H2BC26: variants seen among roughly 807,000 people sequenced by gnomAD.
H2BC26 encodes the protein H2B clustered histone 26.
chr1:228,458,133 C>T, the H2BC26 span: 6 of 1,601,948 alleles, frequency 3.7e-6, no homozygotes, highest in Non-Finnish European at 5.1e-6. Flanking sequence ...AGCCATCATG[C>T]CAGACCCGTC....
the H2BC26 span, chr1:228,458,219 C>T: frequency 9.9e-6 from 16 of 1,614,088 alleles, no homozygotes; most frequent in East Asian, 2.2e-5. Context: ...GCAAGAAGCG[C>T]AAGCGCGGCC....
the H2BC26 span, chr1:228,458,246 T>C: frequency 1.2e-6 from 2 of 1,614,252 alleles, no homozygotes; most frequent in Non-Finnish European, 1.7e-6. Flanking sequence ...AGAGCTATTC[T>C]ATCTACGTGT....
At chr1:228,458,495 C>A in the H2BC26 span, 2 of 1,614,208 alleles carry the variant, frequency 1.2e-6, no homozygotes, top group Non-Finnish European at 1.7e-6. Context: ...TCACCAAGTA[C>A]ACCAGCTCCA....
At chr1:228,458,378 C>G in the H2BC26 span, 6 of 1,614,240 alleles carry the variant, frequency 3.7e-6, no homozygotes, top group Non-Finnish European at 5.1e-6. Context: ...GCCTGGCACA[C>G]TACAACAAGC....
chr1:228,458,170 G>A, the H2BC26 span: 5 of 1,613,312 alleles, frequency 3.1e-6, no homozygotes, highest in Admixed American at 1.7e-5. Flanking sequence ...CCCAAGAAGG[G>A]TTCTAAAAAG....
the H2BC26 span, chr1:228,458,306 C>T: frequency 3.1e-5 from 50 of 1,614,118 alleles, no homozygotes; most frequent in East Asian, 4.5e-5. Context: ...CGTCCAAGGC[C>T]ATGGGCATCA....
At chr1:228,458,396 C>T in the H2BC26 span, 10 of 1,614,216 alleles carry the variant, frequency 6.2e-6, no homozygotes, top group Non-Finnish European at 8.5e-6. Context: ...AGCGCTCCAC[C>T]ATCACGTCCC....
At chr1:228,458,430 C>G in the H2BC26 span, 4 of 1,614,196 alleles carry the variant, frequency 2.5e-6, no homozygotes, top group Non-Finnish European at 3.4e-6. Context: ...GGCCGTTCGC[C>G]TGCTGCTGCC....
chr1:228,458,388 C>A, the H2BC26 span: 1 of 1,614,104 alleles, frequency 6.2e-7, no homozygotes, highest in Admixed American at 1.7e-5. Flanking sequence ...CTACAACAAG[C>A]GCTCCACCAT....
the H2BC26 span, chr1:228,458,262 G>A: frequency 6.2e-7 from 1 of 1,614,068 alleles, no homozygotes; most frequent in Non-Finnish European, 8.5e-7. Context: ...CGTGTACAAG[G>A]TGCTGAAGCA....
At chr1:228,458,490 A>G in the H2BC26 span, 1 of 1,614,172 alleles carries the variant, frequency 6.2e-7, no homozygotes, top group Non-Finnish European at 8.5e-7. Flanking sequence ...GGCTGTCACC[A>G]AGTACACCAG....
the H2BC26 span, chr1:228,458,523 C>T: frequency 1.1e-5 from 17 of 1,613,982 alleles, no homozygotes; most frequent in African/African-American, 1.3e-5. Context: ...CGTTCCTCGG[C>T]GTCCTGAACC....
At chr1:228,458,213 G>A in the H2BC26 span, 6 of 1,614,206 alleles carry the variant, frequency 3.7e-6, no homozygotes, top group Non-Finnish European at 3.4e-6. Flanking sequence ...AGGACGGCAA[G>A]AAGCGCAAGC....
the H2BC26 span, chr1:228,458,192 G>C: frequency 6.2e-7 from 1 of 1,614,118 alleles, no homozygotes; most frequent in East Asian, 2.2e-5. Context: ...CTGTCACCAA[G>C]GCACAGAAGA....
chr1:228,458,174 TAA>T, the H2BC26 span: 2 of 1,613,510 alleles, frequency 1.2e-6, no homozygotes, highest in South Asian at 1.1e-5. Context: ...AGAAGGGTTC[TAA>T]AAAGGCTGTC....
chr1:228,458,182 C>T, the H2BC26 span: 1 of 1,613,762 alleles, frequency 6.2e-7, no homozygotes, highest in Admixed American at 1.7e-5. Flanking sequence ...TCTAAAAAGG[C>T]TGTCACCAAG....
At chr1:228,458,412 G>A in the H2BC26 span, 3 of 1,614,224 alleles carry the variant, frequency 1.9e-6, no homozygotes, top group Non-Finnish European at 2.5e-6. Flanking sequence ...GTCCCGCGAA[G>A]TGCAGACGGC....
chr1:228,458,197 A>G, the H2BC26 span: 3 of 1,614,096 alleles, frequency 1.9e-6, no homozygotes, highest in Non-Finnish European at 2.5e-6. Context: ...ACCAAGGCAC[A>G]GAAGAAGGAC....
At chr1:228,458,151 G>C in the H2BC26 span, 1 of 1,609,332 alleles carries the variant, frequency 6.2e-7, no homozygotes, top group East Asian at 2.2e-5. Flanking sequence ...GTCCAAATCG[G>C]CTCCTGCGCC....
Sources: allele counts gnomAD v4.1 joint callset, GRCh38; gene constraint gnomAD v4.1.1; transcripts MANE v1.5; gene names NCBI Gene and HGNC (gene_info 2026-07-23, HGNC 2026-07-21).